GABRG3: variants seen among roughly 807,000 people sequenced by gnomAD.
GABRG3 encodes gamma-aminobutyric acid receptor subunit gamma-3.
Under a neutral mutation model 48.8 loss-of-function variants are expected in GABRG3, and 25 were observed. The ratio of observed to expected loss-of-function variants is 0.51; its 90% CI spans 0.37 to 0.72. The LOEUF is 0.72. Among genes scored for constraint, GABRG3 ranks in the 30% least tolerant of loss-of-function variants. The pLI is 0.00. For synonymous variants in GABRG3, 227 were observed against 217.6 expected, an observed-to-expected ratio of 1.04 and a Z score of -0.38; for missense variants, 394 against 577.9, an observed-to-expected ratio of 0.68 and a Z score of 3.26.
At chr15:27,448,054 CAG>C (rs949703162) in intron 5 of GABRG3, among the ~76,000 whole-genome samples, 42 of 151,964 alleles carry the variant, frequency 2.8e-4, no homozygotes, top group Admixed American at 2.7e-3. Flanking sequence ...TCTCTGGTAA[CAG>C]AGAAAGATAG....
chr15:27,457,909 T>G lies in GABRG3; in HGVS notation c.575-22741T>G, dbSNP rs1274177646. On this transcript the variant is annotated intron_variant, in intron 5 of 9. Transcript: ENST00000615808. The surrounding 1 kb of genome is among the most constrained non-coding windows in gnomAD (Gnocchi z 4.4). ...ACATCTTTAAACAAAGCTTCCAGGC[T>G]CCAGGGCTTTGGGGTCTCTCGTGGG... Among the ~76,000 whole-genome samples, 1 of 152,180 alleles carries G rather than the reference T, an allele frequency of 6.6e-6. No homozygotes were observed. The highest frequency in any genetic ancestry group is 1.5e-5 in the Non-Finnish European group (1 of 68,036).
chr15:27,439,259 T>C (rs1444610752), intron 5 of GABRG3, among the ~76,000 whole-genome samples: 1 of 152,100 alleles, frequency 6.6e-6, no homozygotes, highest in East Asian at 1.9e-4. Context: ...CTCAACAGCA[T>C]GAGAGGAAAA....
At chr15:27,284,284 T>C (rs898555452) in intron 3 of GABRG3, among the ~76,000 whole-genome samples, 1 of 152,258 alleles carries the variant, frequency 6.6e-6, no homozygotes, top group Non-Finnish European at 1.5e-5. Flanking sequence ...AAAAAATATT[T>C]AGAAGCCAAT....
At chr15:27,193,872 C>G (rs1005522843) in intron 3 of GABRG3, among the ~76,000 whole-genome samples, 1 of 151,660 alleles carries the variant, frequency 6.6e-6, no homozygotes, top group African/African-American at 2.4e-5. Context: ...GCTCCTCCCC[C>G]GCTTCGATGT....
At chr15:27,430,945 G>A (rs1443530682) in intron 5 of GABRG3, among the ~76,000 whole-genome samples, 2 of 151,816 alleles carry the variant, frequency 1.3e-5, no homozygotes, top group African/African-American at 4.8e-5. Context: ...AGCCGAGATC[G>A]CTGCACTGTG....
At chr15:27,387,930 GGGA>G (rs1895986958) in intron 5 of GABRG3, among the ~76,000 whole-genome samples, 1 of 63,422 alleles carries the variant, frequency 1.6e-5, no homozygotes, top group African/African-American at 5.8e-5. Context: ...GAGGGAGGGA[GGGA>G]GGGAAGGAGG....
rs1325495357 is a variant in GABRG3, at chr15:27,236,638, T to C, written c.271-90171T>C. Reference sequence around the variant, plus strand: ...CAGCCCACCAGTTTCACAATACACCTGTTCCTGATTAGAGACCACCAGCCA... The same window carrying C: ...CAGCCCACCAGTTTCACAATACACCCGTTCCTGATTAGAGACCACCAGCCA... On this transcript the variant is annotated intron_variant, in intron 3 of 9. Transcript: ENST00000615808. This position sits in a 1 kb window ranked among gnomAD's most constrained non-coding sequence, Gnocchi z 4.4. Among the ~76,000 whole-genome samples, 1 of 152,176 alleles carries C rather than the reference T, an allele frequency of 6.6e-6. No homozygotes were observed. Among genetic ancestry groups the C allele is most frequent in the East Asian group, 1.9e-4 (1 of 5,174 alleles).
rs576417326 is a variant in GABRG3 at position 27,047,307 on chromosome 15, C to T, written c.270+20486C>T. 1.5e-4 allele frequency among the ~76,000 whole-genome samples: 23 copies of T among 152,264 alleles called. 1 individual carries two copies. The East Asian group carries it at 1.7e-3, about 12-fold the overall frequency. On this transcript the variant is annotated intron_variant, in intron 3 of 9. Transcript: ENST00000615808. ...TTGGGTAAGGGAAACATGTCACCCT[C>T]GCAGGTCTCATAATTATCTGTAGAA...
intron 5 of GABRG3, among the ~76,000 whole-genome samples, chr15:27,403,522 A>G (rs570558478): frequency 1.3e-5 from 2 of 152,286 alleles, no homozygotes; most frequent in South Asian, 2.1e-4. Flanking sequence ...TAGAGACAAA[A>G]CACTAATTTC....
chr15:27,240,935 A>G (rs955437929), intron 3 of GABRG3, among the ~76,000 whole-genome samples: 3 of 152,182 alleles, frequency 2.0e-5, no homozygotes, highest in African/African-American at 2.4e-5. Context: ...TTCACATTTC[A>G]TATGGAATCC....
chr15:27,248,927 C>T (rs897051415), intron 3 of GABRG3, among the ~76,000 whole-genome samples: 9 of 152,068 alleles, frequency 5.9e-5, no homozygotes, highest in South Asian at 4.2e-4. Context: ...TCTTTTAACG[C>T]GAAGCCATCG....
intron 6 of GABRG3, among the ~76,000 whole-genome samples, chr15:27,517,188 G>T (rs1033820829): frequency 6.6e-6 from 1 of 151,902 alleles, no homozygotes; most frequent in Non-Finnish European, 1.5e-5. Context: ...GACTTTGTCT[G>T]AGGCTGCCTC....
chr15:27,240,233 A>G (rs1890093507), intron 3 of GABRG3, among the ~76,000 whole-genome samples: 1 of 152,212 alleles, frequency 6.6e-6, no homozygotes, highest in South Asian at 2.1e-4. Flanking sequence ...TCAGCTCATT[A>G]TCTTGCTATA....
At chr15:27,523,847 A>C (rs1418157233) in intron 7 of GABRG3, among the ~76,000 whole-genome samples, 1 of 152,032 alleles carries the variant, frequency 6.6e-6, no homozygotes, top group Non-Finnish European at 1.5e-5. Context: ...GAAAAAAATA[A>C]TAATCAACTG....
intron 3 of GABRG3, among the ~76,000 whole-genome samples, chr15:27,072,826 C>T (rs1374216731): frequency 6.6e-6 from 1 of 152,218 alleles, no homozygotes; most frequent in East Asian, 1.9e-4. Context: ...AACTGCAAGA[C>T]AGCCCAGAAA....
At chr15:27,368,223 T>C (rs28700148) in intron 5 of GABRG3, among the ~76,000 whole-genome samples, 38,300 of 152,120 alleles carry the variant, frequency 0.25, 5,089 homozygotes, top group Middle Eastern at 0.33. Context: ...GAGACCGGGA[T>C]GCATAGTATG....
intron 3 of GABRG3, among the ~76,000 whole-genome samples, chr15:27,162,524 G>A (rs887228932): frequency 6.6e-6 from 1 of 152,114 alleles, no homozygotes; most frequent in Non-Finnish European, 1.5e-5. Context: ...TTTTGACTTG[G>A]TAGGTAGGGG....
chr15:27,354,559 GC>G (rs1894774269), intron 5 of GABRG3, among the ~76,000 whole-genome samples: 1 of 152,178 alleles, frequency 6.6e-6, no homozygotes, highest in South Asian at 2.1e-4. Flanking sequence ...TTCACCAGGG[GC>G]CTGAGGAAGG....
chr15:27,193,157 G>T (rs1888383174), intron 3 of GABRG3, among the ~76,000 whole-genome samples: 1 of 152,218 alleles, frequency 6.6e-6, no homozygotes, highest in Non-Finnish European at 1.5e-5. Context: ...AGGCTGCTCA[G>T]GGGTCAGGGG....
Sources: gnomAD v4.1 joint callset for allele counts (sites outside exome capture counted in the v4.1 genomes callset) on GRCh38, gnomAD v4.1.1 for gene constraint, Gnocchi (gnomAD v3.1) non-coding constraint, MANE v1.5 for transcripts, NCBI Gene and HGNC (gene_info 2026-07-23, HGNC 2026-07-21) for gene names.